Variants in GCNT1 observed in about 807,000 individuals in gnomAD.
GCNT1 encodes beta-1,3-galactosyl-O-glycosyl-glycoprotein beta-1,6-N-acetylglucosaminyltransferase.
In GCNT1, 16 loss-of-function variants were observed where a neutral mutation model predicts 26.2. The observed-to-expected ratio is 0.61, with a 90% CI of 0.41 to 0.93. The LOEUF (loss-of-function observed/expected upper bound fraction) is 0.93, where lower values mean the gene tolerates loss of function less well. Ranked by LOEUF, GCNT1 falls within the 40% of genes least tolerant of loss-of-function variation. The pLI is 0.00. For synonymous variants in GCNT1, 183 were observed against 190.8 expected (o/e 0.96, Z 0.34); for missense variants, 477 against 526.7 (o/e 0.91, Z 0.92).
intron 1 of GCNT1, among the ~76,000 whole-genome samples, chr9:76,447,891 G>A (rs1164328732): frequency 7.1e-6 from 1 of 141,232 alleles, no homozygotes. Context: ...TGCTGTGCTG[G>A]ATTCCTGAAA....
intron 2 of GCNT1, among the ~76,000 whole-genome samples, chr9:76,495,527 C>T (rs546315790): frequency 2.0e-5 from 3 of 152,184 alleles, no homozygotes; most frequent in Admixed American, 6.5e-5. Flanking sequence ...TATTTGCTCC[C>T]GCCTATGTCC....
chr9:76,422,801 C>T (rs1222918417), intron 1 of GCNT1, among the ~76,000 whole-genome samples: 1 of 152,232 alleles, frequency 6.6e-6, no homozygotes. Context: ...AGTCTGCCTG[C>T]CTCAGCCTCC....
chr9:76,409,693 G>GGA, the GCNT1 span, among the ~76,000 whole-genome samples: 7 of 152,200 alleles, frequency 4.6e-5, no homozygotes, highest in African/African-American at 1.7e-4. Context: ...TGATCCACCT[G>GGA]CCTCGACCTC....
At chr9:76,460,862 T>C (rs28363787) in intron 2 of GCNT1, among the ~76,000 whole-genome samples, 23,023 of 152,214 alleles carry the variant, frequency 0.15, 1,973 homozygotes, top group African/African-American at 0.23. Flanking sequence ...CTGTAAAGGA[T>C]CTCCTTAGCC....
intron 2 of GCNT1, among the ~76,000 whole-genome samples, chr9:76,486,319 T>C (rs2131623273): frequency 6.6e-6 from 1 of 152,332 alleles, no homozygotes; most frequent in Non-Finnish European, 1.5e-5. Flanking sequence ...AATTTCATCT[T>C]TTAGTGGCAT....
chr9:76,448,343 T>C (rs1823610123), intron 1 of GCNT1, among the ~76,000 whole-genome samples: 1 of 151,970 alleles, frequency 6.6e-6, no homozygotes, highest in Non-Finnish European at 1.5e-5. Context: ...TCCCAGGTAC[T>C]TGGGAGGCTG....
At chr9:76,409,403 A>C in the GCNT1 span, among the ~76,000 whole-genome samples, 1 of 151,666 alleles carries the variant, frequency 6.6e-6, no homozygotes, top group African/African-American at 2.4e-5. Flanking sequence ...GGTTTCATTT[A>C]TTTTCTCTAT....
At chr9:76,428,130 G>A (rs1200055549) in intron 1 of GCNT1, among the ~76,000 whole-genome samples, 1 of 151,754 alleles carries the variant, frequency 6.6e-6, no homozygotes, top group Admixed American at 6.6e-5. Context: ...GCCGCGCGTG[G>A]TGGCGGGCGC....
At chr9:76,491,107 C>T (rs1249989666) in intron 2 of GCNT1, among the ~76,000 whole-genome samples, 4 of 152,130 alleles carry the variant, frequency 2.6e-5, no homozygotes, top group African/African-American at 9.7e-5. Context: ...CTTTCTTTCT[C>T]TTTGACTTCT....
At chr9:76,496,600 CT>C (rs58468655) in intron 2 of GCNT1, among the ~76,000 whole-genome samples, 1 of 151,994 alleles carries the variant, frequency 6.6e-6, no homozygotes, top group Admixed American at 6.5e-5. Context: ...TGTTGGAACA[CT>C]TTTAGTGACC....
At chr9:76,453,081 A>G (rs1251183549) in intron 1 of GCNT1, among the ~76,000 whole-genome samples, 1 of 152,158 alleles carries the variant, frequency 6.6e-6, no homozygotes, top group Admixed American at 6.5e-5. Flanking sequence ...CTCACCCCTT[A>G]GGCTGTGAGT....
chr9:76,494,708 C>T (rs567376267), intron 2 of GCNT1, among the ~76,000 whole-genome samples: 3 of 152,196 alleles, frequency 2.0e-5, no homozygotes, highest in Admixed American at 6.5e-5. Context: ...AGGGACTAGC[C>T]TCGGAGAAGA....
At chr9:76,497,361 G>A (rs544083487) in intron 2 of GCNT1, among the ~76,000 whole-genome samples, 6 of 152,104 alleles carry the variant, frequency 3.9e-5, no homozygotes, top group South Asian at 2.1e-4. Context: ...ATTCTTAGCC[G>A]AGTTTTACTT....
chr9:76,502,866 A>G lies in GCNT1; in HGVS notation c.485A>G (p.Tyr162Cys). Residue 162 changes from tyrosine to cysteine, a missense_variant, in exon 4 of 4, where the codon TAT becomes TGT. Transcript: ENST00000376730. ...GTGGACACAAAATCCGAGGATTCCT[A>G]TTTAGCTGCAGTGATGGGCATCGCT... is the stretch of plus-strand genomic sequence containing the variant. Reference protein sequence around the residue: ...IHVDTKSEDSYLAAVMGIASC... With the variant: ...IHVDTKSEDSCLAAVMGIASC... 2.5e-6 allele frequency: 4 copies of G among 1,614,058 alleles called. No individual in the cohort carries two copies. The highest frequency in any genetic ancestry group is 1.6e-4 in the Middle Eastern group (1 of 6,062).
chr9:76,450,503 G>A (rs1220995887), intron 1 of GCNT1, among the ~76,000 whole-genome samples: 1 of 152,180 alleles, frequency 6.6e-6, no homozygotes, highest in Non-Finnish European at 1.5e-5. Flanking sequence ...CTTCTAGAAA[G>A]TTTGTAGAAA....
chr9:76,474,692 T>C (rs181466238), intron 2 of GCNT1, among the ~76,000 whole-genome samples: 20 of 152,312 alleles, frequency 1.3e-4, no homozygotes, highest in Admixed American at 1.1e-3. Context: ...TGGATTTTTG[T>C]TTTTGGGAAA....
chr9:76,451,963 TTTTG>T (rs1327553510), intron 1 of GCNT1, among the ~76,000 whole-genome samples: 6 of 69,280 alleles, frequency 8.7e-5, no homozygotes, highest in Non-Finnish European at 1.5e-4. Context: ...TTTTTTTTTT[TTTTG>T]TTGTTGTTGT....
the GCNT1 span, among the ~76,000 whole-genome samples, chr9:76,400,825 TCTAG>T: frequency 6.6e-6 from 1 of 152,138 alleles, no homozygotes; most frequent in African/African-American, 2.4e-5. Flanking sequence ...AAGAAAAATG[TCTAG>T]CTAGGGAGAG....
intron 2 of GCNT1, among the ~76,000 whole-genome samples, chr9:76,489,661 T>A (rs1824674527): frequency 6.6e-6 from 1 of 152,188 alleles, no homozygotes; most frequent in Admixed American, 6.5e-5. Context: ...CACTGATGGG[T>A]GTTTTTACAA....
Sources: gnomAD v4.1 joint callset for allele counts (sites outside exome capture counted in the v4.1 genomes callset) on GRCh38, gnomAD v4.1.1 for gene constraint, MANE v1.5 for transcripts, NCBI Gene and HGNC (gene_info 2026-07-23, HGNC 2026-07-21) for gene names.